The following NEK10 variants were observed in gnomAD, a reference collection of about 807,000 sequenced individuals.
NEK10 encodes serine/threonine-protein kinase Nek10.
Under a neutral mutation model 159.8 loss-of-function variants are expected in NEK10, and 122 were observed. The ratio of observed to expected loss-of-function variants is 0.76; its 90% CI spans 0.66 to 0.89. The LOEUF is 0.89. Among genes scored for constraint, NEK10 ranks in the 40% least tolerant of loss-of-function variants. The pLI is 0.00. For synonymous variants in NEK10, 466 were observed against 457.1 expected, an observed-to-expected ratio of 1.02 and a Z score of -0.25; for missense variants, 1,342 against 1,323.1, an observed-to-expected ratio of 1.01 and a Z score of -0.22.
intron 3 of NEK10, among the ~76,000 whole-genome samples, chr3:27,349,675 A>G (rs150802460): frequency 6.6e-6 from 1 of 152,268 alleles, no homozygotes; most frequent in East Asian, 1.9e-4. Context: ...AATGTGGAGG[A>G]AGAAAATAAT....
At chr3:27,300,801 C>G (rs1250731569) in intron 13 of NEK10, among the ~76,000 whole-genome samples, 2 of 152,210 alleles carry the variant, frequency 1.3e-5, no homozygotes, top group African/African-American at 2.4e-5. Flanking sequence ...AAACCCCCAG[C>G]ACAAGACCTT....
rs4016621 is a variant in NEK10, at chr3:27,364,348, TTGTGTGTGTGTGTGTGTGTGTGTGTG to T, written c.-38+4851_-38+4876del. Reference sequence around the variant, plus strand: ...GGCGCCCACCACCATGCCTGGCTAATTGTGTGTGTGTGTGTGTGTGTGTGTGTGTGTGTGTGTGTGTGTGTGTGTGT... The same window carrying T: ...GGCGCCCACCACCATGCCTGGCTAATTGTGTGTGTGTGTGTGTGTGTGTGT... On this transcript the variant is annotated intron_variant, in intron 1 of 35. Coordinates refer to ENST00000691995, the MANE Select transcript of NEK10 (RefSeq NM_001394966.1). Among the ~76,000 whole-genome samples the T allele has an allele frequency of 2.0e-3, 238 of 120,658 alleles. 1 individual carries two copies. Among genetic ancestry groups the T allele is most frequent in the Admixed American group, 6.1e-3 (72 of 11,758 alleles). 79.2% of individuals were successfully genotyped at this position (120,658 alleles called of 152,430 possible).
chr3:27,367,087 G>A (rs2049150980), intron 1 of NEK10, among the ~76,000 whole-genome samples: 2 of 152,146 alleles, frequency 1.3e-5, no homozygotes, highest in South Asian at 2.1e-4. Context: ...TGGGATTCAC[G>A]GCATGAGCCA....
chr3:27,363,292 T>TA (rs1390138993), intron 1 of NEK10, among the ~76,000 whole-genome samples: 6 of 152,204 alleles, frequency 3.9e-5, no homozygotes, highest in African/African-American at 1.4e-4. Context: ...AACAGGCTGA[T>TA]TCAGGTCATA....
chr3:27,146,029 T>G (rs769837680), intron 30 of NEK10, among the ~76,000 whole-genome samples: 5 of 152,190 alleles, frequency 3.3e-5, no homozygotes, highest in Non-Finnish European at 5.9e-5. Context: ...ATTATTTCTC[T>G]TCTTAAAAGG....
At chr3:27,217,001 A>G (rs1284383444) in intron 23 of NEK10, among the ~76,000 whole-genome samples, 1 of 152,214 alleles carries the variant, frequency 6.6e-6, no homozygotes, top group Non-Finnish European at 1.5e-5. Context: ...AGAAAAAACC[A>G]AAAACTTTGA....
At chr3:27,119,653 C>A in intron 33 of NEK10, 107 bp downstream of exon 33, 2 of 799,758 alleles carry the variant, frequency 2.5e-6, no homozygotes, top group East Asian at 2.6e-5. Context: ...ATAATCAAAA[C>A]AAGCTCTATT....
At chr3:27,331,771 G>A (rs1196537010) in intron 5 of NEK10, among the ~76,000 whole-genome samples, 2 of 152,024 alleles carry the variant, frequency 1.3e-5, no homozygotes, top group East Asian at 1.9e-4. Context: ...TTCTAATAAC[G>A]TTGTGATGTT....
chr3:27,366,473 T>C (rs1319606629), intron 1 of NEK10, among the ~76,000 whole-genome samples: 1 of 152,234 alleles, frequency 6.6e-6, no homozygotes, highest in Non-Finnish European at 1.5e-5. Flanking sequence ...CCAGTTCACT[T>C]TGACTTCAGC....
chr3:27,349,625 T>G (rs1032945716), intron 3 of NEK10, among the ~76,000 whole-genome samples: 3 of 152,210 alleles, frequency 2.0e-5, no homozygotes, highest in Non-Finnish European at 4.4e-5. Flanking sequence ...CCATCTTTTT[T>G]TAAAATTCCA....
intron 30 of NEK10, among the ~76,000 whole-genome samples, chr3:27,156,929 G>GATATATATATATATAT (rs4016654): frequency 3.5e-5 from 1 of 28,314 alleles, no homozygotes; most frequent in Non-Finnish European, 7.1e-5. Context: ...TAAAGAAACT[G>GATATATATATATATAT]ATATATATAT....
intron 32 of NEK10, among the ~76,000 whole-genome samples, chr3:27,128,448 T>C (rs1178696884): frequency 6.6e-6 from 1 of 152,138 alleles, no homozygotes; most frequent in African/African-American, 2.4e-5. Flanking sequence ...GGAATATTCT[T>C]TATCCCTTTG....
At chr3:27,287,844 ATTATAT>A in intron 19 of NEK10, 101 bp from the exon 20 acceptor site, 3 of 1,189,226 alleles carry the variant, frequency 2.5e-6, no homozygotes, top group Non-Finnish European at 3.4e-6. Context: ...CTACAAAGAA[ATTATAT>A]TTATTTACAA....
intron 3 of NEK10, among the ~76,000 whole-genome samples, chr3:27,346,653 T>G (rs2047574298): frequency 6.6e-6 from 1 of 152,146 alleles, no homozygotes; most frequent in African/African-American, 2.4e-5. Flanking sequence ...TGGATCCAGG[T>G]AGAACACTCT....
chr3:27,337,032 GGGGGGAAAGGAAGATGTACCTCTTT>G, intron 5 of NEK10, among the ~76,000 whole-genome samples: 1 of 151,962 alleles, frequency 6.6e-6, no homozygotes, highest in Non-Finnish European at 1.5e-5. Context: ...ACATTTGGCG[GGGGGGAAAGGAAGATGTACCTCTTT>G]GCAGATGACA....
At chr3:27,256,696 G>A (rs1480198155) in intron 22 of NEK10, among the ~76,000 whole-genome samples, 2 of 151,936 alleles carry the variant, frequency 1.3e-5, no homozygotes, top group African/African-American at 4.8e-5. Context: ...GAAAAGTAAG[G>A]TACACCCAAA....
chr3:27,322,231 A>G lies in NEK10; in HGVS notation c.393T>C (p.His131=), dbSNP rs772908040. The G allele has an allele frequency of 2.6e-6, 4 of 1,563,196 alleles. No individual in the cohort carries two copies. In the East Asian group the frequency reaches 9.3e-5, roughly 36 times the overall value. ...REWVNRAPSI[H]FLRVLICLRL... ...TCAGACAGATTAACACTCTCAGAAA[A>G]TGAATAGATGGGGCTCGATTAACCC... Residue 131 remains histidine, a synonymous_variant, in exon 6 of 36, where the codon CAT becomes CAC. Transcript: ENST00000691995.
intron 29 of NEK10, among the ~76,000 whole-genome samples, chr3:27,165,427 T>C (rs1267743402): frequency 6.6e-6 from 1 of 152,204 alleles, no homozygotes; most frequent in Non-Finnish European, 1.5e-5. Flanking sequence ...CAATAGAGCA[T>C]TACGGCTACA....
rs556023819 is a variant in NEK10, at chr3:27,312,154, C to T, written c.513G>A (p.Glu171=). The change falls in exon 8 of 36, where the codon GAG becomes GAA. Residue 171 remains glutamate, a synonymous_variant. Transcript: ENST00000691995. ...LAQYMEIVAN[E]YLGYGEEQHT... ...GCTGCTCTTCTCCATAGCCGAGGTACTCATTGGCTACAATCTCCATATACT... is the reference window on the plus strand; with the variant it reads ...GCTGCTCTTCTCCATAGCCGAGGTATTCATTGGCTACAATCTCCATATACT... 8 of 1,611,094 alleles carry T rather than the reference C, an allele frequency of 5.0e-6. No homozygotes were observed. The East Asian group carries it at 1.3e-4, about 27-fold the overall frequency.
Sources: gnomAD v4.1 joint callset for allele counts (sites outside exome capture counted in the v4.1 genomes callset) on GRCh38, gnomAD v4.1.1 for gene constraint, MANE v1.5 for transcripts, NCBI Gene and HGNC (gene_info 2026-07-23, HGNC 2026-07-21) for gene names.